The following SRD5A1 variants were observed in gnomAD, a reference collection of about 807,000 sequenced individuals.
SRD5A1 encodes the protein 3-oxo-5-alpha-steroid 4-dehydrogenase 1.
In SRD5A1, 22 loss-of-function variants were observed where a neutral mutation model predicts 28.2. The ratio of observed to expected loss-of-function variants is 0.78; its 90% CI spans 0.56 to 1.12. The LOEUF is 1.12. Among genes scored for constraint, SRD5A1 ranks in the 50% most tolerant of loss-of-function variants. The probability of loss-of-function intolerance (pLI) is 0.00; values close to 1 mark genes in which losing one functional copy is unlikely to be tolerated. For missense variants in SRD5A1, 300 were observed against 346.7 expected (o/e 0.87, Z 1.07); for synonymous variants, 151 against 135.0 (o/e 1.12, Z -0.82).
chr5:6,666,172 C>CGG (rs745551607), intron 4 of SRD5A1, among the ~76,000 whole-genome samples: 5 of 151,270 alleles, frequency 3.3e-5, no homozygotes, highest in Non-Finnish European at 4.4e-5. Context: ...TTTTTTGAGA[C>CGG]AGTCTCGCTC....
intron 3 of SRD5A1, among the ~76,000 whole-genome samples, chr5:6,661,929 C>A (rs1295304202): frequency 6.6e-6 from 1 of 152,174 alleles, no homozygotes; most frequent in African/African-American, 2.4e-5. Context: ...GCAGATCACA[C>A]CAGGCCTCTC....
chr5:6,655,962 T>C, intron 2 of SRD5A1, 116 bp from the exon 3 acceptor site: 2 of 744,340 alleles, frequency 2.7e-6, no homozygotes, highest in East Asian at 5.3e-5. Context: ...GGCTAATATG[T>C]TACACTAACA....
In SRD5A1 at chr5:6,670,086, G is replaced by C. The variant is rs1271746547; in HGVS notation, c.*1818G>C. The C allele has an allele frequency of 6.6e-6, 1 of 152,274 alleles. No homozygotes were observed. The highest frequency in any genetic ancestry group is 1.5e-5 in the Non-Finnish European group (1 of 68,088). The allele number at this position is 152,274 out of a possible 1,614,324, so 9.4% of individuals were successfully genotyped here. ...TCTGCACCCCCACTCTCCAGGGAGAGCACAGAGAGCCCAGAAATGAGCCAT... is the reference window on the plus strand; with the variant it reads ...TCTGCACCCCCACTCTCCAGGGAGACCACAGAGAGCCCAGAAATGAGCCAT... On this transcript the variant is annotated 3_prime_UTR_variant, in exon 5 of 5. Transcript: ENST00000274192.
intron 3 of SRD5A1, among the ~76,000 whole-genome samples, chr5:6,660,729 A>G (rs1208044031): frequency 1.3e-5 from 2 of 152,232 alleles, no homozygotes; most frequent in South Asian, 2.1e-4. Context: ...TCACTTGTCA[A>G]TGAATATTGA....
At chr5:6,649,745 C>T (rs1012516534) in intron 1 of SRD5A1, among the ~76,000 whole-genome samples, 6 of 152,186 alleles carry the variant, frequency 3.9e-5, no homozygotes, top group Non-Finnish European at 7.3e-5. Context: ...TGCTTCGGCT[C>T]GCCCTCCGTG....
At position 6,656,178 on chromosome 5, in the gene SRD5A1, G is replaced by A. The variant is rs1323319119; in HGVS notation, c.561G>A (p.Arg187=). The change falls in exon 3 of 5, where the codon AGG becomes AGA. Residue 187 remains arginine (R), a splice_region_variant and synonymous_variant. Transcript: ENST00000274192. ...GAGATACTGGATACAAAATACCAAGGGGTACGTACAGAAAGTGAAGAATTT... is the reference window on the plus strand; with the variant it reads ...GAGATACTGGATACAAAATACCAAGAGGTACGTACAGAAAGTGAAGAATTT... ...KPGDTGYKIP[R]GGLFEYVTAA... The A allele has an allele frequency of 6.2e-7, 1 of 1,611,244 alleles. No homozygotes were observed. The highest frequency in any genetic ancestry group is 8.5e-7 in the Non-Finnish European group (1 of 1,177,590).
chr5:6,668,211 C>T lies in SRD5A1; in HGVS notation c.723C>T (p.Leu241=), dbSNP rs768898164. The change falls in exon 5 of 5, where the codon CTC becomes CTT. Residue 241 remains leucine (L), a synonymous_variant. Transcript: ENST00000274192. ...GRAKEHHEWY[L]RKFEEYPKFR... is the part of the protein sequence containing the mutation. ...AATTTTTTTTTCTTAGGTGGTACCTCCGGAAATTTGAAGAGTATCCAAAGT... is the reference window on the plus strand; with the variant it reads ...AATTTTTTTTTCTTAGGTGGTACCTTCGGAAATTTGAAGAGTATCCAAAGT... 20 of 1,577,254 alleles carry T rather than the reference C, an allele frequency of 1.3e-5. 1 individual carries two copies. In the South Asian group the frequency reaches 1.4e-4, roughly 11 times the overall value.
rs373760710 is a variant in SRD5A1 at position 6,642,052 on chromosome 5, A to G, written c.293+8183A>G. Among the ~76,000 whole-genome samples the G allele has an allele frequency of 1.1e-3, 175 of 152,386 alleles. 3 individuals carry two copies. Among genetic ancestry groups the G allele is most frequent in the African/African-American group, 3.9e-3 (163 of 41,600 alleles). The stretch of plus-strand genomic sequence containing the variant: ...ACGATGAGAGAAAACACATTTTCAC[A>G]AAAGTTTCAGTGGTAAATTCAAAAT... On this transcript the variant is annotated intron_variant, in intron 1 of 4. Transcript: ENST00000274192.
chr5:6,638,411 C>G (rs1738265428), intron 1 of SRD5A1, among the ~76,000 whole-genome samples: 1 of 152,190 alleles, frequency 6.6e-6, no homozygotes, highest in Non-Finnish European at 1.5e-5. Flanking sequence ...GTGGGAAAGC[C>G]ATTTTGTAAG....
At chr5:6,635,843 C>G (rs1372411091) in intron 1 of SRD5A1, among the ~76,000 whole-genome samples, 1 of 152,174 alleles carries the variant, frequency 6.6e-6, no homozygotes, top group East Asian at 1.9e-4. Flanking sequence ...CCTACATTCA[C>G]TCAAGCAGAA....
intron 4 of SRD5A1, among the ~76,000 whole-genome samples, chr5:6,667,816 G>A (rs2126556896): frequency 6.6e-6 from 1 of 152,296 alleles, no homozygotes; most frequent in African/African-American, 2.4e-5. Context: ...GCAGGCTGGA[G>A]AAAACTGCTG....
At chr5:6,637,647 A>G (rs1738232068) in intron 1 of SRD5A1, among the ~76,000 whole-genome samples, 2 of 152,196 alleles carry the variant, frequency 1.3e-5, no homozygotes, top group Admixed American at 1.3e-4. Flanking sequence ...TGCATTGCAC[A>G]TTCATTTAAC....
At chr5:6,645,058 A>C in intron 1 of SRD5A1, 3 of 453,800 alleles carry the variant, frequency 6.6e-6, no homozygotes, top group Non-Finnish European at 1.3e-5. Flanking sequence ...AAGTCTTCCT[A>C]GGGGTCCTGG....
chr5:6,654,940 G>A (rs1738791240), intron 2 of SRD5A1, among the ~76,000 whole-genome samples: 1 of 152,106 alleles, frequency 6.6e-6, no homozygotes, highest in African/African-American at 2.4e-5. Flanking sequence ...CAAAAAGGTA[G>A]CAAATCAACT....
intron 1 of SRD5A1, among the ~76,000 whole-genome samples, chr5:6,649,676 G>T (rs1439540361): frequency 2.0e-5 from 3 of 152,196 alleles, no homozygotes; most frequent in Admixed American, 6.5e-5. Context: ...GCTTCCCTTG[G>T]CTAGGAAAGG....
intron 1 of SRD5A1, among the ~76,000 whole-genome samples, chr5:6,642,000 G>C (rs769889555): frequency 6.6e-6 from 1 of 152,238 alleles, no homozygotes; most frequent in Non-Finnish European, 1.5e-5. Flanking sequence ...CTTAGGCTTT[G>C]TGGGCCAAGA....
At chr5:6,645,050 G>A (rs8192182) in intron 1 of SRD5A1, 9,975 of 454,890 alleles carry the variant, frequency 0.022, 154 homozygotes, top group Non-Finnish European at 0.028. Context: ...TCAGTATGAA[G>A]TCTTCCTAGG....
chr5:6,666,224 T>C (rs1432104772), intron 4 of SRD5A1, among the ~76,000 whole-genome samples: 1 of 152,128 alleles, frequency 6.6e-6, no homozygotes, highest in African/African-American at 2.4e-5. Flanking sequence ...CTCGGCTCAC[T>C]GCAAGCTCTG....
chr5:6,648,990 G>T (rs76358747), intron 1 of SRD5A1, among the ~76,000 whole-genome samples: 3 of 152,218 alleles, frequency 2.0e-5, no homozygotes, highest in African/African-American at 7.2e-5. Context: ...CTCTGCTGCA[G>T]GTCTGCCTGA....
Sources: gnomAD v4.1 joint callset for allele counts (sites outside exome capture counted in the v4.1 genomes callset) on GRCh38, gnomAD v4.1.1 for gene constraint, MANE v1.5 for transcripts, NCBI Gene and HGNC (gene_info 2026-07-23, HGNC 2026-07-21) for gene names.